The following MICU3 variants were observed in gnomAD, a reference collection of about 807,000 sequenced individuals.
The protein encoded by MICU3 is calcium uptake protein 3, mitochondrial.
In MICU3, 62 loss-of-function variants were observed where a neutral mutation model predicts 66.5. The observed-to-expected ratio is 0.93, with a 90% CI of 0.76 to 1.15. MICU3 has a LOEUF of 1.15. Ranked by LOEUF, MICU3 falls within the 50% of genes most tolerant of loss-of-function variation. The pLI is 0.00. For synonymous variants in MICU3, 308 were observed against 240.7 expected, an observed-to-expected ratio of 1.28 and a Z score of -2.59; for missense variants, 779 against 664.4, an observed-to-expected ratio of 1.17 and a Z score of -1.90.
At chr8:17,100,974 G>A (rs1233136035) in intron 9 of MICU3, among the ~76,000 whole-genome samples, 6 of 151,628 alleles carry the variant, frequency 4.0e-5, no homozygotes, top group Admixed American at 1.3e-4. Flanking sequence ...AATTTCAATG[G>A]ATTATTCAAA....
rs529953315 is a variant in MICU3, at chr8:17,074,416, C to T, written c.568-3367C>T. 2.6e-4 allele frequency among the ~76,000 whole-genome samples: 40 copies of T among 151,760 alleles called. No individual in the cohort carries two copies. The South Asian group carries it at 7.3e-3, about 28-fold the overall frequency. On this transcript the variant is annotated intron_variant, in intron 3 of 14. Transcript: ENST00000318063. Reference sequence around the variant, plus strand: ...GCTACTATAGACAACTGCTGTGTAGCCATTAAAATAAAAATGAAGAATATT... The same window carrying T: ...GCTACTATAGACAACTGCTGTGTAGTCATTAAAATAAAAATGAAGAATATT...
chr8:17,091,627 A>C (rs959928907), intron 8 of MICU3, among the ~76,000 whole-genome samples: 1 of 152,066 alleles, frequency 6.6e-6, no homozygotes, highest in Non-Finnish European at 1.5e-5. Context: ...TGGACCTGGA[A>C]TGGGTAGAGA....
intron 11 of MICU3, among the ~76,000 whole-genome samples, chr8:17,113,346 C>A (rs937368444): frequency 7.2e-5 from 11 of 152,192 alleles, no homozygotes; most frequent in Admixed American, 6.5e-4. Context: ...TCCTCTTGTC[C>A]AAATGTGTAT....
intron 9 of MICU3, among the ~76,000 whole-genome samples, chr8:17,101,579 T>A (rs2150803445): frequency 6.6e-6 from 1 of 152,022 alleles, no homozygotes; most frequent in South Asian, 2.1e-4. Context: ...GGAGAAAAAC[T>A]GGCCGAATGA....
intron 1 of MICU3, among the ~76,000 whole-genome samples, chr8:17,062,561 T>G (rs532807996): frequency 1.4e-4 from 22 of 152,334 alleles, no homozygotes; most frequent in African/African-American, 5.3e-4. Context: ...TAAAGTAGTA[T>G]TCTTGCCAAA....
intron 12 of MICU3, 28 bp from the exon 13 acceptor site, chr8:17,116,415 A>C: frequency 7.3e-7 from 1 of 1,366,996 alleles, no homozygotes; most frequent in Non-Finnish European, 9.6e-7. Flanking sequence ...ATAACAGTCT[A>C]TTCTTTTTCT....
chr8:17,032,945 G>C (rs1055488625), intron 1 of MICU3, among the ~76,000 whole-genome samples: 2 of 152,044 alleles, frequency 1.3e-5, no homozygotes, highest in Non-Finnish European at 2.9e-5. Flanking sequence ...TATTGTAATT[G>C]TACCATGCAC....
chr8:17,089,415 G>A (rs554961135), intron 7 of MICU3, among the ~76,000 whole-genome samples: 1 of 151,924 alleles, frequency 6.6e-6, no homozygotes, highest in Non-Finnish European at 1.5e-5. Context: ...TAGTTTTAAA[G>A]TTTTTTTTAG....
At chr8:17,077,942 A>T (rs1820627125) in intron 4 of MICU3, 81 bp downstream of exon 4, 2 of 823,656 alleles carry the variant, frequency 2.4e-6, no homozygotes, top group East Asian at 5.8e-5. Flanking sequence ...CCATACCTAA[A>T]ATAATTTTTA....
chr8:17,113,183 T>C (rs756619870), intron 11 of MICU3, among the ~76,000 whole-genome samples: 4 of 152,226 alleles, frequency 2.6e-5, no homozygotes, highest in Non-Finnish European at 5.9e-5. Context: ...GGGCTTTCCC[T>C]GGCCTTCCAA....
At chr8:17,119,348 A>C (rs904391133) in intron 14 of MICU3, among the ~76,000 whole-genome samples, 21 of 152,124 alleles carry the variant, frequency 1.4e-4, no homozygotes, top group African/African-American at 4.3e-4. Flanking sequence ...ACTTGTTTCT[A>C]ATCTCCAAGC....
chr8:17,063,319 T>A (rs1818161307), intron 1 of MICU3, among the ~76,000 whole-genome samples: 1 of 152,084 alleles, frequency 6.6e-6, no homozygotes, highest in Admixed American at 6.6e-5. Flanking sequence ...TATGGTAAAA[T>A]CCCACTTTTT....
intron 12 of MICU3, 39 bp from the exon 13 acceptor site, chr8:17,116,404 A>T (rs1434234452): frequency 7.8e-7 from 1 of 1,286,048 alleles, no homozygotes; most frequent in African/African-American, 1.5e-5. Context: ...TTATAAAAAT[A>T]ATAACAGTCT....
chr8:17,069,712 C>G lies in MICU3; in HGVS notation c.560C>G (p.Ser187Cys). ...GTTGCCAAAACTTGGAAGTCACTTT[C>G]CAAACAGGTGAGTTAAAGCTCTTGG... ...PKVAKTWKSL[S>C]KQELNQMLAE... Residue 187 changes from serine (S) to cysteine (C), a missense_variant, in exon 3 of 15, where the codon TCC (serine) becomes TGC (cysteine). Physicochemically the swap from Ser to Cys is moderately radical, Grantham distance 112. Coordinates refer to ENST00000318063, the MANE Select transcript of MICU3 (RefSeq NM_181723.3). The G allele has an allele frequency of 6.5e-7, 1 of 1,543,290 alleles. No individual in the cohort carries two copies. The highest frequency in any genetic ancestry group is 8.8e-7 in the Non-Finnish European group (1 of 1,139,362).
In MICU3 at chr8:17,051,032, A is replaced by G. The variant is rs141893600; in HGVS notation, c.382-13052A>G. ...TCATGCATCCTGTTTCTGGTCTTCAATTGGTTACACATAACATTTAAATGG... is the reference window on the plus strand; with the variant it reads ...TCATGCATCCTGTTTCTGGTCTTCAGTTGGTTACACATAACATTTAAATGG... On this transcript the variant is annotated intron_variant, in intron 1 of 14. Transcript: ENST00000318063. Among the ~76,000 whole-genome samples, 1,294 of 152,210 alleles carry G rather than the reference A, an allele frequency of 8.5e-3. 14 individuals are homozygous for G. The highest frequency in any genetic ancestry group is 0.029 in the African/African-American group (1,206 of 41,526).
At chr8:17,077,907 A>G (rs761900190) in intron 4 of MICU3, 46 bp downstream of exon 4, 2 of 1,153,580 alleles carry the variant, frequency 1.7e-6, no homozygotes, top group Non-Finnish European at 1.3e-6. Context: ...TATATTATGT[A>G]TACTATTTAT....
At chr8:17,091,884 T>G (rs1156714460) in intron 8 of MICU3, among the ~76,000 whole-genome samples, 1 of 151,988 alleles carries the variant, frequency 6.6e-6, no homozygotes, top group Non-Finnish European at 1.5e-5. Context: ...TTTTTGTTTG[T>G]TTGGTGTTTT....
chr8:17,037,339 C>T (rs1432133297), intron 1 of MICU3, among the ~76,000 whole-genome samples: 5 of 152,190 alleles, frequency 3.3e-5, no homozygotes, highest in Admixed American at 6.5e-5. Flanking sequence ...GTGCCGAGAG[C>T]GAGCGAGGAC....
chr8:17,099,917 T>C (rs1294676779), intron 9 of MICU3, among the ~76,000 whole-genome samples: 2 of 151,794 alleles, frequency 1.3e-5, no homozygotes, highest in Non-Finnish European at 2.9e-5. Context: ...TTAGACAAAA[T>C]CTGCTAATCA....
Sources: gnomAD v4.1 joint callset for allele counts (sites outside exome capture counted in the v4.1 genomes callset) on GRCh38, gnomAD v4.1.1 for gene constraint, MANE v1.5 for transcripts, NCBI Gene and HGNC (gene_info 2026-07-23, HGNC 2026-07-21) for gene names.